Variants in SMC2 observed in about 807,000 individuals in gnomAD.
SMC2 encodes structural maintenance of chromosomes 2, also known as structural maintenance of chromosomes protein 2.
SMC2 carries 41 observed loss-of-function variants against 142.6 expected under a neutral mutation model. That is an observed-to-expected ratio of 0.29 (90% CI 0.22 to 0.37). The LOEUF (loss-of-function observed/expected upper bound fraction) is 0.37, where lower values mean the gene tolerates loss of function less well. Among genes scored for constraint, SMC2 ranks in the 10% least tolerant of loss-of-function variants. SMC2 has a pLI of 1.00. For synonymous variants in SMC2, 463 were observed against 457.5 expected (o/e 1.01, Z -0.15); for missense variants, 1,265 against 1,373.7 (o/e 0.92, Z 1.25).
rs191989601 is a variant in SMC2, at chr9:104,102,760, G to C, written c.1020+187G>C. 7.5e-3 allele frequency among the ~76,000 whole-genome samples: 1,144 copies of C among 152,194 alleles called. 11 individuals are homozygous for C. The highest frequency in any genetic ancestry group is 0.014 in the Middle Eastern group (4 of 294). Reference sequence around the variant, plus strand: ...GCCTTGTGGACCTTCATTCCATTGGGGGAAATGATAATAAAGAAAATAAAT... The same window carrying C: ...GCCTTGTGGACCTTCATTCCATTGGCGGAAATGATAATAAAGAAAATAAAT... On this transcript the variant is annotated intron_variant, in intron 9 of 24. Transcript: ENST00000374793.
At chr9:104,096,069 C>T in intron 2 of SMC2, 79 bp from the exon 3 acceptor site, 1 of 1,358,090 alleles carries the variant, frequency 7.4e-7, no homozygotes, top group East Asian at 2.3e-5. Context: ...GGTTTTCCAA[C>T]AGCAAGGGAC....
At chr9:104,116,064 C>G in intron 13 of SMC2, 136 bp from the exon 14 acceptor site, 1 of 660,692 alleles carries the variant, frequency 1.5e-6, no homozygotes, top group South Asian at 2.6e-5. Flanking sequence ...AAATGATGTT[C>G]CATTGCATAT....
At chr9:104,107,241 G>T (rs560906765) in intron 9 of SMC2, among the ~76,000 whole-genome samples, 19 of 152,188 alleles carry the variant, frequency 1.2e-4, no homozygotes, top group Non-Finnish European at 2.5e-4. Context: ...CGCATGTAGT[G>T]CTCTGGCCTT....
intron 12 of SMC2, 145 bp from the exon 13 acceptor site, chr9:104,114,546 A>G (rs558390228): frequency 1.6e-6 from 1 of 631,502 alleles, no homozygotes; most frequent in Non-Finnish European, 2.7e-6. Context: ...GGGACATTTT[A>G]AAATTTTTGG....
intron 23 of SMC2, chr9:104,135,779 C>G (rs778235012): frequency 2.0e-6 from 1 of 511,452 alleles, no homozygotes; most frequent in South Asian, 1.4e-5. Flanking sequence ...TCTGGAACAT[C>G]CGTAAAGTGC....
chr9:104,123,041 G>T lies in SMC2; in HGVS notation c.2133-67G>T, dbSNP rs1564102758. Reference sequence around the variant, plus strand: ...AGTTTATTTAAGGTAAGAATCTGAAGTTTGAATGTATTTCTCAAATACCAG... The same window carrying T: ...AGTTTATTTAAGGTAAGAATCTGAATTTTGAATGTATTTCTCAAATACCAG... On this transcript the variant is annotated intron_variant, in intron 16 of 24. Transcript: ENST00000374793. The T allele has an allele frequency of 6.7e-6, 10 of 1,501,290 alleles. No homozygotes were observed. The Admixed American group carries it at 7.7e-5, about 12-fold the overall frequency. 93.0% of individuals were successfully genotyped at this position (1,501,290 alleles called of 1,614,324 possible).
At chr9:104,124,212 G>A (rs531175684) in intron 17 of SMC2, among the ~76,000 whole-genome samples, 4 of 152,114 alleles carry the variant, frequency 2.6e-5, no homozygotes, top group South Asian at 2.1e-4. Flanking sequence ...TCAGCCTCCC[G>A]AGTAGCTGGG....
intron 9 of SMC2, among the ~76,000 whole-genome samples, chr9:104,110,859 C>A (rs1384270494): frequency 6.6e-6 from 1 of 152,196 alleles, no homozygotes; most frequent in Non-Finnish European, 1.5e-5. Flanking sequence ...TCACTCTATT[C>A]CCCAACCTTG....
upstream of SMC2, among the ~76,000 whole-genome samples, chr9:104,093,921 CACT>C (rs1455795660): frequency 6.6e-6 from 1 of 152,246 alleles, no homozygotes; most frequent in Non-Finnish European, 1.5e-5. Context: ...AATGCCTCTC[CACT>C]TCCTAACTGT....
chr9:104,116,207 G>T lies in SMC2; in HGVS notation c.1679G>T (p.Gly560Val), dbSNP rs1022801445. The T allele has an allele frequency of 1.3e-6, 2 of 1,592,472 alleles. No individual in the cohort carries two copies. Among genetic ancestry groups the T allele is most frequent in the Non-Finnish European group, 1.7e-6 (2 of 1,173,734 alleles). The change falls in exon 14 of 25, where the codon GGT (glycine) becomes GTT (valine). Residue 560 changes from glycine to valine, a missense_variant. Around this residue, in one of 4 missense-constraint regions of SMC2, gnomAD observed 898 missense variants for 904.2 expected, o/e 0.99. Transcript: ENST00000374793. ...TTCAAATGTGTGTTGTAGGTTACTG[G>T]TAAAAAGCTACTAGAAAGGGGGGAA... ...YNVVVDTEVT[G>V]KKLLERGELK... is the part of the protein sequence containing the mutation.
At chr9:104,137,235 A>C (rs954208741) in intron 23 of SMC2, among the ~76,000 whole-genome samples, 1 of 152,206 alleles carries the variant, frequency 6.6e-6, no homozygotes, top group African/African-American at 2.4e-5. Context: ...AGTATATTAC[A>C]AATGCTACTC....
chr9:104,092,562 T>C (rs1263401632), upstream of SMC2: 1 of 152,206 alleles, frequency 6.6e-6, no homozygotes, highest in Non-Finnish European at 1.5e-5. Context: ...TGAATAGCTG[T>C]GGAGCCCAGG....
chr9:104,100,678 CTTTA>C (rs2131309153), intron 7 of SMC2, among the ~76,000 whole-genome samples: 1 of 152,234 alleles, frequency 6.6e-6, no homozygotes, highest in South Asian at 2.1e-4. Flanking sequence ...AATTTTAATA[CTTTA>C]TTTAAGCTAA....
rs1834108133 is a variant in SMC2 at position 104,125,016 on chromosome 9, G to C, written c.2362G>C (p.Glu788Gln). The change falls in exon 18 of 25, where the codon GAG becomes CAG. Residue 788 changes from glutamate to glutamine, a missense_variant. Glu to Gln is a conservative substitution (Grantham distance 29). Coordinates refer to ENST00000374793, the MANE Select transcript of SMC2 (RefSeq NM_006444.3). Reference protein sequence around the residue: ...NKMKNAEAERERELKDAQKKL... With the variant: ...NKMKNAEAERQRELKDAQKKL... ...AATGAAAAATGCAGAAGCTGAAAGA[G>C]AGCGAGAACTGAAAGATGCTCAGAA... 5 of 1,608,038 alleles carry C rather than the reference G, an allele frequency of 3.1e-6. No individual in the cohort carries two copies. Among genetic ancestry groups the C allele is most frequent in the South Asian group, 1.1e-5 (1 of 89,412 alleles).
At position 104,102,491 on chromosome 9, in the gene SMC2, C is replaced by T. The variant is rs771183137; in HGVS notation, c.938C>T (p.Ser313Phe). ...GAGGCTCAGCGAGTTAATACTAAATCTCAAAGCGCATTTGATCTCAAGAAG... is the reference window on the plus strand; with the variant it reads ...GAGGCTCAGCGAGTTAATACTAAATTTCAAAGCGCATTTGATCTCAAGAAG... ...LAEAQRVNTKSQSAFDLKKKN... is the reference protein window; with the variant it reads ...LAEAQRVNTKFQSAFDLKKKN... Residue 313 changes from serine (S) to phenylalanine (F), a missense_variant, in exon 9 of 25, where the codon TCT (serine) becomes TTT (phenylalanine). Around this residue, in one of 4 missense-constraint regions of SMC2, gnomAD observed 898 missense variants for 904.2 expected, o/e 0.99. Transcript: ENST00000374793. 1 of 1,613,768 alleles carries T rather than the reference C, an allele frequency of 6.2e-7. No homozygotes were observed. Among genetic ancestry groups the T allele is most frequent in the East Asian group, 2.2e-5 (1 of 44,840 alleles).
chr9:104,135,919 G>T (rs774893085), intron 23 of SMC2: 35 of 518,546 alleles, frequency 6.7e-5, no homozygotes, highest in Admixed American at 2.5e-4. Context: ...CAGGCAAAAG[G>T]AAAATGATAC....
intron 16 of SMC2, among the ~76,000 whole-genome samples, chr9:104,121,669 C>A (rs1389586389): frequency 6.6e-6 from 1 of 152,106 alleles, no homozygotes; most frequent in East Asian, 1.9e-4. Context: ...TTTTAGCATT[C>A]AATTTCTGTA....
chr9:104,118,141 T>C, intron 14 of SMC2, 30 bp from the exon 15 acceptor site: 1 of 1,572,848 alleles, frequency 6.4e-7, no homozygotes, highest in Non-Finnish European at 8.7e-7. Context: ...TAGTAGTATG[T>C]ACTGTGGCAT....
At chr9:104,099,502 T>C (rs546687885) in intron 4 of SMC2, 142 bp from the exon 5 acceptor site, 1 of 559,952 alleles carries the variant, frequency 1.8e-6, no homozygotes, top group East Asian at 3.2e-5. Context: ...TCTAGAATCA[T>C]AGAAGAATTA....
Sources: gnomAD v4.1 joint callset for allele counts (sites outside exome capture counted in the v4.1 genomes callset) on GRCh38, gnomAD v4.1.1 for gene constraint, gnomAD v4.1.1 regional missense constraint, MANE v1.5 for transcripts, NCBI Gene and HGNC (gene_info 2026-07-23, HGNC 2026-07-21) for gene names.